The following DPP6 variants were observed in gnomAD, a reference collection of about 807,000 sequenced individuals.
DPP6 encodes the protein dipeptidyl peptidase like 6.
In DPP6, 69 loss-of-function variants were observed where a neutral mutation model predicts 122.6. The ratio of observed to expected loss-of-function variants is 0.56; its 90% CI spans 0.46 to 0.69. The LOEUF (loss-of-function observed/expected upper bound fraction) is 0.69. Ranked by LOEUF, DPP6 falls within the 30% of genes least tolerant of loss-of-function variation. The pLI, the probability that DPP6 is intolerant of heterozygous loss-of-function variation, is 0.00. For missense variants in DPP6, 928 were observed against 1,116.9 expected (o/e 0.83, Z 2.41); for synonymous variants, 418 against 433.1 (o/e 0.97, Z 0.43).
intron 1 of DPP6, among the ~76,000 whole-genome samples, chr7:154,295,698 T>C (rs768110565): frequency 2.0e-5 from 3 of 152,266 alleles, no homozygotes; most frequent in East Asian, 1.9e-4. Flanking sequence ...GCACATGATA[T>C]TATGTTTGAT....
At chr7:153,914,167 G>T (rs1353698481) in intron 1 of DPP6, among the ~76,000 whole-genome samples, 1 of 152,102 alleles carries the variant, frequency 6.6e-6, no homozygotes, top group African/African-American at 2.4e-5. Flanking sequence ...GTCCCACAAG[G>T]TCTGATGATT....
At chr7:154,727,989 T>G in intron 8 of DPP6, 102 bp downstream of exon 8, 1 of 1,486,704 alleles carries the variant, frequency 6.7e-7, no homozygotes, top group South Asian at 1.5e-5. Flanking sequence ...AACTGTAAAT[T>G]AAACTCCAGT....
In DPP6 at chr7:153,964,227, C is replaced by G. The variant is rs190250050; in HGVS notation, c.51+76493C>G. Among the ~76,000 whole-genome samples the G allele has an allele frequency of 1.3e-3, 205 of 152,224 alleles. 1 individual carries two copies. The highest frequency in any genetic ancestry group is 4.8e-3 in the African/African-American group (200 of 41,526). On this transcript the variant is annotated intron_variant, in intron 1 of 25. Coordinates refer to the DPP6 transcript ENST00000404039. The stretch of plus-strand genomic sequence containing the variant: ...ATCAAGCTGATCTCGAACTCCTGAC[C>G]TCAAGTGATCCACCTGCCTCGGCCT...
intron 1 of DPP6, among the ~76,000 whole-genome samples, chr7:154,122,192 G>A (rs1807524177): frequency 6.6e-6 from 1 of 152,184 alleles, no homozygotes; most frequent in Admixed American, 6.5e-5. Context: ...TATGAAATAA[G>A]GATGAGGAAT....
intron 1 of DPP6, among the ~76,000 whole-genome samples, chr7:154,123,367 C>T (rs549010009): frequency 6.6e-6 from 1 of 152,300 alleles, no homozygotes; most frequent in African/African-American, 2.4e-5. Flanking sequence ...TCTGAAAGCT[C>T]TTTCTGAAGC....
chr7:154,098,704 CT>C (rs1295182973), intron 1 of DPP6, among the ~76,000 whole-genome samples: 3 of 147,646 alleles, frequency 2.0e-5, no homozygotes, highest in Non-Finnish European at 3.0e-5. Flanking sequence ...TATAGTTTGC[CT>C]GCATTTCAGG....
At chr7:154,451,361 C>CAAAAAAAAAA (rs397890050) in intron 2 of DPP6, among the ~76,000 whole-genome samples, 1 of 122,152 alleles carries the variant, frequency 8.2e-6, no homozygotes. Flanking sequence ...CCTGTCTCAC[C>CAAAAAAAAAA]AAAAAAAAAA....
the DPP6 span, among the ~76,000 whole-genome samples, chr7:153,764,496 A>T: frequency 6.6e-6 from 1 of 152,106 alleles, no homozygotes; most frequent in Non-Finnish European, 1.5e-5. Flanking sequence ...GGGAGGAGGG[A>T]TGAGAGAAAG....
chr7:154,709,632 T>C (rs1206241268), intron 7 of DPP6, among the ~76,000 whole-genome samples: 1 of 151,464 alleles, frequency 6.6e-6, no homozygotes, highest in Non-Finnish European at 1.5e-5. Flanking sequence ...ATACTTGTAG[T>C]CACAGTTTGG....
intron 1 of DPP6, among the ~76,000 whole-genome samples, chr7:154,132,341 T>C (rs761696461): frequency 6.6e-6 from 1 of 152,198 alleles, no homozygotes; most frequent in Non-Finnish European, 1.5e-5. Flanking sequence ...ACTAGAGTTA[T>C]TGCCTAAGAC....
the DPP6 span, among the ~76,000 whole-genome samples, chr7:153,781,624 TC>T: frequency 1.3e-5 from 2 of 152,094 alleles, no homozygotes; most frequent in African/African-American, 4.8e-5. Flanking sequence ...GTAGATTGGC[TC>T]CCCCTTATTC....
intron 20 of DPP6, among the ~76,000 whole-genome samples, chr7:154,879,298 C>T (rs1460114815): frequency 7.4e-6 from 1 of 134,428 alleles, no homozygotes; most frequent in Non-Finnish European, 1.5e-5. Context: ...ACACAAAAAT[C>T]GGCCGGGCGC....
In DPP6 at chr7:154,242,891, G is replaced by A. The variant is rs149096311; in HGVS notation, c.243+189828G>A. ...TCTGCAGGGCTGGGAATGAATGAAG[G>A]CATTATTGCTATGCACCACCAGGAG... is the stretch of plus-strand genomic sequence containing the variant. On this transcript the variant is annotated intron_variant, in intron 1 of 25. Coordinates refer to ENST00000377770, the MANE Select transcript of DPP6 (RefSeq NM_130797.4). Among the ~76,000 whole-genome samples, 791 of 152,330 alleles carry A rather than the reference G, an allele frequency of 5.2e-3. 7 individuals carry two copies. The highest frequency in any genetic ancestry group is 0.018 in the African/African-American group (766 of 41,576).
rs773473558 is a variant in DPP6 at position 154,794,157 on chromosome 7, G to T, written c.1215G>T (p.Val405=). 18 of 1,612,958 alleles carry T rather than the reference G, an allele frequency of 1.1e-5. No homozygotes were observed. Among genetic ancestry groups the T allele is most frequent in the Non-Finnish European group, 1.4e-5 (17 of 1,179,470 alleles). ...CCTGGCTGAACCGGGCGCAGAACGTGTCCATCCTCACCCTCTGCGACGCCA... is the reference window on the plus strand; with the variant it reads ...CCTGGCTGAACCGGGCGCAGAACGTTTCCATCCTCACCCTCTGCGACGCCA... ...AVTWLNRAQN[V]SILTLCDATT... is the part of the protein sequence containing the mutation. Residue 405 remains valine (V), a synonymous_variant, in exon 11 of 26, where the codon GTG becomes GTT. Transcript: ENST00000377770.
the DPP6 span, among the ~76,000 whole-genome samples, chr7:153,748,487 G>GC: frequency 1 from 11,235 of 11,236 alleles, 5,617 homozygotes; most frequent in Non-Finnish European, 1. Flanking sequence ...CGGTGGCTCT[G>GC]CCTGGTGGCG....
intron 1 of DPP6, among the ~76,000 whole-genome samples, chr7:153,981,738 G>A (rs1232584364): frequency 6.6e-6 from 1 of 152,106 alleles, no homozygotes; most frequent in Non-Finnish European, 1.5e-5. Flanking sequence ...GGAAGGCCTG[G>A]TGGTGACAAA....
At chr7:153,807,352 G>A in the DPP6 span, among the ~76,000 whole-genome samples, 3 of 151,410 alleles carry the variant, frequency 2.0e-5, no homozygotes, top group African/African-American at 7.3e-5. Context: ...GCAGTGAGCC[G>A]AGATCGTGCC....
chr7:153,811,520 G>T, the DPP6 span, among the ~76,000 whole-genome samples: 13 of 152,280 alleles, frequency 8.5e-5, no homozygotes, highest in African/African-American at 2.9e-4. Context: ...TTTGGGGTTT[G>T]CTTGTCACTT....
intron 5 of DPP6, among the ~76,000 whole-genome samples, chr7:154,635,928 A>G (rs905195678): frequency 1.1e-4 from 16 of 152,214 alleles, no homozygotes; most frequent in African/African-American, 3.9e-4. Flanking sequence ...TGGCTGCAGA[A>G]GCCTAACACC....
Sources: gnomAD v4.1 joint callset for allele counts (sites outside exome capture counted in the v4.1 genomes callset) on GRCh38, gnomAD v4.1.1 for gene constraint, MANE v1.5 for transcripts, NCBI Gene and HGNC (gene_info 2026-07-23, HGNC 2026-07-21) for gene names.